SCFD1: variants seen among roughly 807,000 people sequenced by gnomAD.
SCFD1 encodes the protein sec1 family domain-containing protein 1.
A neutral mutation model predicts 103.2 loss-of-function variants in SCFD1; 37 were observed. That is an observed-to-expected ratio of 0.36 (90% CI 0.28 to 0.47). The LOEUF (loss-of-function observed/expected upper bound fraction) is 0.47. Among genes scored for constraint, SCFD1 ranks in the 20% least tolerant of loss-of-function variants. The probability of loss-of-function intolerance (pLI) is 1.00; values close to 1 mark genes in which losing one functional copy is unlikely to be tolerated. For missense variants in SCFD1, 639 were observed against 761.2 expected (o/e 0.84, Z 1.89); for synonymous variants, 264 against 245.0 (o/e 1.08, Z -0.73).
chr14:30,680,390 C>T (rs1889379073), intron 14 of SCFD1, among the ~76,000 whole-genome samples: 1 of 151,854 alleles, frequency 6.6e-6, no homozygotes, highest in Non-Finnish European at 1.5e-5. Context: ...TTCACTGTTA[C>T]ATAAGATATT....
At chr14:30,668,369 A>C (rs886331206) in intron 10 of SCFD1, among the ~76,000 whole-genome samples, 21 of 152,234 alleles carry the variant, frequency 1.4e-4, no homozygotes, top group African/African-American at 3.6e-4. Context: ...AAACTGGATC[A>C]CTTCCTTAAA....
At chr14:30,653,634 C>A in intron 10 of SCFD1, 46 bp downstream of exon 10, 1 of 1,244,242 alleles carries the variant, frequency 8.0e-7, no homozygotes, top group Non-Finnish European at 1.2e-6. Context: ...TAGTAACATG[C>A]AGTGTTCCCT....
chr14:30,650,754 C>A, intron 9 of SCFD1, 104 bp downstream of exon 9: 2 of 675,076 alleles, frequency 3.0e-6, no homozygotes, highest in Admixed American at 2.8e-5. Flanking sequence ...AAATTTGTTT[C>A]TTTTTAATGA....
chr14:30,705,068 G>A (rs368178737), intron 17 of SCFD1, among the ~76,000 whole-genome samples: 172 of 152,140 alleles, frequency 1.1e-3, no homozygotes, highest in Middle Eastern at 3.4e-3. Context: ...TTCATCAATC[G>A]TATTGTTTAG....
intron 14 of SCFD1, among the ~76,000 whole-genome samples, chr14:30,680,738 C>T (rs1399644413): frequency 4.6e-5 from 7 of 151,916 alleles, no homozygotes; most frequent in Admixed American, 2.0e-4. Context: ...GTCCAGTTGA[C>T]CAACATAGCA....
chr14:30,701,606 T>A (rs4981767), intron 16 of SCFD1, among the ~76,000 whole-genome samples: 1 of 151,938 alleles, frequency 6.6e-6, no homozygotes, highest in East Asian at 1.9e-4. Flanking sequence ...TATCTCAGGG[T>A]ATTCTAATAG....
chr14:30,673,335 T>C lies in SCFD1; in HGVS notation c.1074T>C (p.Leu358=). The change falls in exon 12 of 25, where the codon CTT becomes CTC. Residue 358 remains leucine (L), a synonymous_variant. Coordinates refer to ENST00000458591, the MANE Select transcript of SCFD1 (RefSeq NM_016106.4). ...YRAQEDEVKR[L]KSIMGLEGED... The stretch of plus-strand genomic sequence containing the variant: ...CACAGGAAGATGAGGTCAAACGACT[T>C]AAAAGCATTATGGTAAGATTCTATT... The C allele has an allele frequency of 6.5e-7, 1 of 1,543,650 alleles. No individual in the cohort carries two copies. The highest frequency in any genetic ancestry group is 8.9e-7 in the Non-Finnish European group (1 of 1,122,756).
intron 4 of SCFD1, among the ~76,000 whole-genome samples, chr14:30,635,778 A>T (rs763530798): frequency 6.6e-6 from 1 of 152,134 alleles, no homozygotes; most frequent in Non-Finnish European, 1.5e-5. Flanking sequence ...AACACATAGG[A>T]ATAAAATTGC....
intron 16 of SCFD1, among the ~76,000 whole-genome samples, chr14:30,700,634 A>G (rs1891017282): frequency 1.3e-5 from 2 of 152,320 alleles, no homozygotes; most frequent in East Asian, 3.9e-4. Context: ...AGATCATGCC[A>G]CTGCACTCTA....
chr14:30,627,487 C>T (rs1883594999), intron 1 of SCFD1, among the ~76,000 whole-genome samples: 1 of 152,162 alleles, frequency 6.6e-6, no homozygotes, highest in Admixed American at 6.5e-5. Context: ...TGGCTCACGC[C>T]TGTAATCCCA....
intron 23 of SCFD1, among the ~76,000 whole-genome samples, chr14:30,723,128 T>C (rs1052567692): frequency 1.3e-5 from 2 of 152,222 alleles, no homozygotes; most frequent in Non-Finnish European, 2.9e-5. Context: ...TTTTAGGATG[T>C]CATTTTGTAA....
chr14:30,711,750 G>A (rs1001745636), intron 19 of SCFD1, among the ~76,000 whole-genome samples: 5 of 151,838 alleles, frequency 3.3e-5, no homozygotes, highest in African/African-American at 1.2e-4. Context: ...TTTTAGGAGT[G>A]GTAATAGTGT....
chr14:30,692,493 T>C (rs1284732199), intron 14 of SCFD1, among the ~76,000 whole-genome samples: 1 of 152,124 alleles, frequency 6.6e-6, no homozygotes, highest in East Asian at 1.9e-4. Context: ...GTAGAAAAGC[T>C]ACAGAGAAGG....
In SCFD1 at chr14:30,704,175, A is replaced by C. The variant is rs140822663; in HGVS notation, c.1491-1648A>C. On this transcript the variant is annotated intron_variant, in intron 17 of 24. Transcript: ENST00000458591. ...GTATATTCTTTCATTGTTTATACAT[A>C]TGACAGATTTTTTTTCTAGAGACAA... is the stretch of plus-strand genomic sequence containing the variant. Among the ~76,000 whole-genome samples, 510 of 151,790 alleles carry C rather than the reference A, an allele frequency of 3.4e-3. 4 individuals are homozygous for C. Among genetic ancestry groups the C allele is most frequent in the African/African-American group, 0.012 (482 of 41,426 alleles).
intron 20 of SCFD1, among the ~76,000 whole-genome samples, chr14:30,716,898 T>C (rs1278819982): frequency 6.6e-6 from 1 of 152,170 alleles, no homozygotes; most frequent in Non-Finnish European, 1.5e-5. Flanking sequence ...TTTATAATGA[T>C]AAACTAAAAA....
intron 11 of SCFD1, 120 bp downstream of exon 11, chr14:30,670,515 G>T: frequency 3.4e-6 from 2 of 583,684 alleles, no homozygotes; most frequent in South Asian, 2.7e-5. Context: ...AATGAGTGGG[G>T]GCTGTAATTA....
At chr14:30,708,907 CATT>C in intron 19 of SCFD1, among the ~76,000 whole-genome samples, 1 of 152,168 alleles carries the variant, frequency 6.6e-6, no homozygotes, top group South Asian at 2.1e-4. Context: ...CTGCTTCAGT[CATT>C]ATTAATTTGG....
At chr14:30,683,335 A>G (rs1889647821) in intron 14 of SCFD1, 4 of 623,818 alleles carry the variant, frequency 6.4e-6, no homozygotes, top group African/African-American at 5.5e-5. Context: ...TTGTAAGGGT[A>G]GTCACTGGGG....
chr14:30,682,194 T>G (rs1420013694), intron 14 of SCFD1, among the ~76,000 whole-genome samples: 2 of 152,176 alleles, frequency 1.3e-5, no homozygotes, highest in East Asian at 1.9e-4. Flanking sequence ...CTAGTAAGAT[T>G]GATAATCTGT....
Sources: allele counts gnomAD v4.1 joint callset (sites outside exome capture counted in the v4.1 genomes callset), GRCh38; gene constraint gnomAD v4.1.1; transcripts MANE v1.5; gene names NCBI Gene and HGNC (gene_info 2026-07-23, HGNC 2026-07-21).